Variants in PIK3CB observed in about 807,000 individuals in gnomAD.
The protein encoded by PIK3CB is phosphatidylinositol-4,5-bisphosphate 3-kinase catalytic subunit beta.
In PIK3CB, 39 loss-of-function variants were observed where a neutral mutation model predicts 136.8. The observed-to-expected ratio is 0.29, with a 90% CI of 0.22 to 0.37. PIK3CB has a LOEUF of 0.37. Among genes scored for constraint, PIK3CB ranks in the 10% least tolerant of loss-of-function variants. PIK3CB has a pLI of 1.00. For synonymous variants in PIK3CB, 428 were observed against 436.6 expected (o/e 0.98, Z 0.25); for missense variants, 868 against 1,275.4 (o/e 0.68, Z 4.87).
chr3:138,737,898 G>T lies in PIK3CB; in HGVS notation c.622-12C>A. On this transcript the variant is annotated splice_polypyrimidine_tract_variant and intron_variant, in intron 5 of 23. Transcript: ENST00000674063. Reference sequence around the variant, plus strand: ...AAGCTAAACACGTCCTGAAGGGGGAGGGAGATGGGGAAAAAAGCAGTAAAT... The same window carrying T: ...AAGCTAAACACGTCCTGAAGGGGGATGGAGATGGGGAAAAAAGCAGTAAAT... The T allele has an allele frequency of 6.5e-7, 1 of 1,539,052 alleles. No individual in the cohort carries two copies. The highest frequency in any genetic ancestry group is 8.8e-7 in the Non-Finnish European group (1 of 1,133,178).
chr3:138,763,947 T>G (rs1486570177), intron 2 of PIK3CB, among the ~76,000 whole-genome samples: 1 of 151,116 alleles, frequency 6.6e-6, no homozygotes, highest in African/African-American at 2.4e-5. Context: ...CCCGTCTCTG[T>G]TAAAAATGCA....
chr3:138,785,128 C>G (rs2045963974), intron 2 of PIK3CB, among the ~76,000 whole-genome samples: 1 of 151,674 alleles, frequency 6.6e-6, no homozygotes, highest in Non-Finnish European at 1.5e-5. Flanking sequence ...GCCAGCCGCC[C>G]CGTCCGGGAG....
intron 4 of PIK3CB, among the ~76,000 whole-genome samples, chr3:138,745,781 G>A (rs777712213): frequency 3.9e-5 from 6 of 152,118 alleles, no homozygotes; most frequent in African/African-American, 7.2e-5. Flanking sequence ...TTTTCCCTTC[G>A]AGGCTTGGGG....
intron 2 of PIK3CB, among the ~76,000 whole-genome samples, chr3:138,793,409 C>A (rs916818979): frequency 1.3e-5 from 2 of 151,896 alleles, no homozygotes; most frequent in African/African-American, 2.4e-5. Context: ...AGTTTGAGAC[C>A]AGCCCCGTCA....
At chr3:138,710,119 G>C (rs2044467346) in intron 10 of PIK3CB, among the ~76,000 whole-genome samples, 1 of 152,032 alleles carries the variant, frequency 6.6e-6, no homozygotes, top group African/African-American at 2.4e-5. Context: ...AGGAGGGCAA[G>C]GCTACAGTGA....
chr3:138,660,646 T>G (rs533892065), intron 21 of PIK3CB, among the ~76,000 whole-genome samples: 1 of 152,188 alleles, frequency 6.6e-6, no homozygotes, highest in African/African-American at 2.4e-5. Context: ...ATGGCAACTA[T>G]AGTTAACAAC....
At chr3:138,792,912 A>G (rs139796788) in intron 2 of PIK3CB, among the ~76,000 whole-genome samples, 1,989 of 152,244 alleles carry the variant, frequency 0.013, 41 homozygotes, top group Middle Eastern at 0.048. Flanking sequence ...TCAGTAGCCA[A>G]TATTACACGT....
chr3:138,708,593 CTTT>C (rs11308775), intron 10 of PIK3CB, among the ~76,000 whole-genome samples: 9 of 141,638 alleles, frequency 6.4e-5, no homozygotes, highest in Admixed American at 7.1e-5. Context: ...GGAGGCAACT[CTTT>C]TTTTTTTTTT....
intron 12 of PIK3CB, among the ~76,000 whole-genome samples, chr3:138,701,126 A>ATCAGGATCCCAAAC (rs2044243424): frequency 6.6e-6 from 1 of 152,072 alleles, no homozygotes; most frequent in Non-Finnish European, 1.5e-5. Flanking sequence ...GATCCTAAAC[A>ATCAGGATCCCAAAC]TGACAAAACA....
intron 21 of PIK3CB, among the ~76,000 whole-genome samples, chr3:138,661,146 T>G (rs1340129155): frequency 6.6e-6 from 1 of 152,244 alleles, no homozygotes; most frequent in African/African-American, 2.4e-5. Context: ...CATCTCCATT[T>G]TTAATATGGG....
rs2108517302 is a variant in PIK3CB at position 138,694,811 on chromosome 3, C to T, written c.1867G>A (p.Ala623Thr). ...CTCATCTGTCGCAGGCAGCCTACAG[C>T]ATATTCTCGAACGTACTGGTCTGGA... ...NYPDQYVREYAVGCLRQMSDE... is the reference protein window; with the variant it reads ...NYPDQYVREYTVGCLRQMSDE... The change falls in exon 14 of 24, where the codon GCT becomes ACT. Residue 623 changes from alanine (A) to threonine (T), a missense_variant. Transcript: ENST00000674063. 1 of 1,613,324 alleles carries T rather than the reference C, an allele frequency of 6.2e-7. No homozygotes were observed.
chr3:138,783,662 C>G (rs1340095259), intron 2 of PIK3CB, among the ~76,000 whole-genome samples: 1 of 151,968 alleles, frequency 6.6e-6, no homozygotes, highest in African/African-American at 2.4e-5. Flanking sequence ...ATGCAAAGAC[C>G]TGAGAAACCT....
intron 2 of PIK3CB, among the ~76,000 whole-genome samples, chr3:138,759,616 AAATT>A (rs1459840953): frequency 1.3e-5 from 2 of 152,130 alleles, no homozygotes; most frequent in Non-Finnish European, 2.9e-5. Flanking sequence ...TAAAGGAAAA[AAATT>A]ATTCTTATAT....
chr3:138,769,421 C>A (rs1363432412), intron 2 of PIK3CB, among the ~76,000 whole-genome samples: 1 of 152,184 alleles, frequency 6.6e-6, no homozygotes, highest in Non-Finnish European at 1.5e-5. Context: ...GAAAACTAGA[C>A]CCTTAACTAA....
At chr3:138,812,144 G>A (rs899954151) in intron 1 of PIK3CB, among the ~76,000 whole-genome samples, 2 of 151,628 alleles carry the variant, frequency 1.3e-5, no homozygotes, top group African/African-American at 2.4e-5. Flanking sequence ...TAACATTCTC[G>A]AAACGACAAA....
In PIK3CB at chr3:138,737,841, C is replaced by T. The variant is rs749167878; in HGVS notation, c.667G>A (p.Val223Ile). Residue 223 changes from valine to isoleucine, a missense_variant, in exon 6 of 24, where the codon GTA (valine) becomes ATA (isoleucine). Val to Ile is a conservative substitution (Grantham distance 29). This residue lies in a region of PIK3CB where 612 missense variants were observed against 801.1 expected (regional missense o/e 0.76). Coordinates refer to ENST00000674063, the MANE Select transcript of PIK3CB (RefSeq NM_006219.3). ...CGTTTTTGGATTGCCAATTCATTTA[C>T]TTTGATAGGATTCATATTAGGAGAC... ...QVSPNMNPIK[V>I]NELAIQKRLT... 3.7e-6 allele frequency: 6 copies of T among 1,608,406 alleles called. No individual in the cohort carries two copies. The African/African-American group carries it at 4.0e-5, about 11-fold the overall frequency.
At chr3:138,712,968 T>C (rs1007874886) in intron 9 of PIK3CB, among the ~76,000 whole-genome samples, 1 of 152,148 alleles carries the variant, frequency 6.6e-6, no homozygotes, top group South Asian at 2.1e-4. Flanking sequence ...AAGGAGATAA[T>C]GTCTCTAGGC....
chr3:138,819,764 C>T (rs1253589547), intron 1 of PIK3CB, among the ~76,000 whole-genome samples: 2 of 152,090 alleles, frequency 1.3e-5, no homozygotes, highest in Non-Finnish European at 2.9e-5. Context: ...CATTTGAGGC[C>T]AGGAGTTTGA....
At chr3:138,666,741 G>A (rs763919083) in intron 19 of PIK3CB, among the ~76,000 whole-genome samples, 8 of 152,056 alleles carry the variant, frequency 5.3e-5, no homozygotes, top group African/African-American at 1.9e-4. Context: ...GTAAATACTC[G>A]GGTACAGCTA....
Sources: gnomAD v4.1 joint callset for allele counts (sites outside exome capture counted in the v4.1 genomes callset) on GRCh38, gnomAD v4.1.1 for gene constraint, gnomAD v4.1.1 regional missense constraint, MANE v1.5 for transcripts, NCBI Gene and HGNC (gene_info 2026-07-23, HGNC 2026-07-21) for gene names.